XKR7: variants seen among roughly 807,000 people sequenced by gnomAD.
The protein encoded by XKR7 is XK-related protein 7.
XKR7 carries 11 observed loss-of-function variants against 42.2 expected under a neutral mutation model. That is an observed-to-expected ratio of 0.26 (90% CI 0.16 to 0.43). The LOEUF (loss-of-function observed/expected upper bound fraction) is 0.43. Ranked by LOEUF, XKR7 falls within the 20% of genes least tolerant of loss-of-function variation. XKR7 has a pLI of 1.00. For synonymous variants in XKR7, 346 were observed against 366.4 expected (o/e 0.94, Z 0.64); for missense variants, 710 against 802.2 (o/e 0.89, Z 1.39).
chr20:31,996,272 T>G (rs1380144478), intron 2 of XKR7, among the ~76,000 whole-genome samples: 2 of 150,742 alleles, frequency 1.3e-5, no homozygotes, highest in Admixed American at 1.3e-4. Context: ...TCGTCTCCCT[T>G]TATGCTCCCA....
At position 31,997,524 on chromosome 20, in the gene XKR7, C is replaced by T. The variant is rs191137324; in HGVS notation, c.*67C>T. On this transcript the variant is annotated 3_prime_UTR_variant, in exon 3 of 3. Coordinates refer to ENST00000562532, the MANE Select transcript of XKR7 (RefSeq NM_001011718.2). Reference sequence around the variant, plus strand: ...CCACATCCGCCGCAGTGTTGTGCCCCGAATTTCAGGGCCACCAGGCTAAGG... The same window carrying T: ...CCACATCCGCCGCAGTGTTGTGCCCTGAATTTCAGGGCCACCAGGCTAAGG... 863 of 1,422,520 alleles carry T rather than the reference C, an allele frequency of 6.1e-4. 6 individuals carry two copies. In the African/African-American group the frequency reaches 7.3e-3, roughly 12 times the overall value. The allele number at this position is 1,422,520 out of a possible 1,614,324, so 88.1% of individuals were successfully genotyped here. A position where few individuals can be genotyped will look rare whatever the true frequency, so the allele number is the denominator to read the frequency against.
At chr20:31,975,230 C>A (rs2064479956) in intron 1 of XKR7, among the ~76,000 whole-genome samples, 1 of 152,132 alleles carries the variant, frequency 6.6e-6, no homozygotes, top group African/African-American at 2.4e-5. Context: ...TTATCACCCC[C>A]AACCCCCAAT....
chr20:31,989,658 G>A (rs1231434284), intron 1 of XKR7, among the ~76,000 whole-genome samples: 1 of 152,152 alleles, frequency 6.6e-6, no homozygotes, highest in African/African-American at 2.4e-5. Context: ...CTGTCACCCA[G>A]GCTGGAGTGC....
intron 1 of XKR7, among the ~76,000 whole-genome samples, chr20:31,979,911 CAG>C (rs2064503598): frequency 6.6e-6 from 1 of 151,986 alleles, no homozygotes; most frequent in Non-Finnish European, 1.5e-5. Context: ...AACTGAGGTC[CAG>C]AGAGGAGAGG....
chr20:31,998,083 G>C lies in XKR7; in HGVS notation c.*626G>C, dbSNP rs1332820783. ...TGGAGATGGATAGGAGAAAGAACTG[G>C]GGGGGGGGTCTAGGCTGGCAGAAGC... On this transcript the variant is annotated 3_prime_UTR_variant, in exon 3 of 3. Coordinates refer to ENST00000562532, the MANE Select transcript of XKR7 (RefSeq NM_001011718.2). The C allele has an allele frequency of 1.6e-5, 2 of 126,752 alleles. No individual in the cohort carries two copies. The highest frequency in any genetic ancestry group is 7.7e-5 in the Admixed American group (1 of 12,904). 7.9% of individuals were successfully genotyped at this position (126,752 alleles called of 1,614,324 possible). A position where few individuals can be genotyped will look rare whatever the true frequency, so the allele number is the denominator to read the frequency against.
chr20:31,987,143 A>G (rs1480857939), intron 1 of XKR7, among the ~76,000 whole-genome samples: 9 of 140,858 alleles, frequency 6.4e-5, no homozygotes, highest in African/African-American at 5.3e-5. Context: ...AGACCACCAA[A>G]CAGACCCAGC....
chr20:31,985,742 A>G (rs1393346698), intron 1 of XKR7, among the ~76,000 whole-genome samples: 1 of 149,804 alleles, frequency 6.7e-6, no homozygotes, highest in African/African-American at 2.5e-5. Context: ...CAAGACACAG[A>G]CAGACAGGCA....
chr20:31,968,514 C>G lies in XKR7; in HGVS notation c.339C>G (p.Val113=). Residue 113 remains valine (V), a synonymous_variant, in exon 1 of 3, where the codon GTC becomes GTG. Coordinates refer to ENST00000562532, the MANE Select transcript of XKR7 (RefSeq NM_001011718.2). This position sits in a 1 kb window ranked among gnomAD's most constrained non-coding sequence, Gnocchi z 4.5. The part of the protein sequence containing the change: ...VVQLLSFRWF[V]YDYSEPAGSP... ...AGTTACTGAGCTTCCGCTGGTTCGT[C>G]TACGACTACTCGGAGCCCGCAGGGT... The G allele has an allele frequency of 6.2e-7, 1 of 1,612,276 alleles. No homozygotes were observed. The highest frequency in any genetic ancestry group is 1.1e-5 in the South Asian group (1 of 90,952).
intron 1 of XKR7, among the ~76,000 whole-genome samples, chr20:31,977,661 CA>C (rs1390419091): frequency 6.6e-6 from 1 of 152,150 alleles, no homozygotes; most frequent in East Asian, 1.9e-4. Context: ...GGGGTTAGGA[CA>C]GGGGCATAAG....
At chr20:31,975,578 G>A (rs1309942485) in intron 1 of XKR7, among the ~76,000 whole-genome samples, 1 of 152,010 alleles carries the variant, frequency 6.6e-6, no homozygotes, top group Non-Finnish European at 1.5e-5. Context: ...ACTCAACCAG[G>A]CAAAAGTCAT....
intron 2 of XKR7, among the ~76,000 whole-genome samples, chr20:31,996,017 C>G (rs2064589535): frequency 6.6e-6 from 1 of 152,030 alleles, no homozygotes; most frequent in Admixed American, 6.5e-5. Context: ...TTGGGTCTCC[C>G]CATCCCCGCC....
At chr20:31,988,321 T>C (rs2064552476) in intron 1 of XKR7, among the ~76,000 whole-genome samples, 1 of 152,112 alleles carries the variant, frequency 6.6e-6, no homozygotes, top group Non-Finnish European at 1.5e-5. Flanking sequence ...CACTGGAAAT[T>C]TCCCGTGAGG....
At chr20:31,989,754 C>A (rs887849330) in intron 1 of XKR7, among the ~76,000 whole-genome samples, 5 of 152,182 alleles carry the variant, frequency 3.3e-5, no homozygotes, top group Admixed American at 6.5e-5. Flanking sequence ...GCTGGGACTA[C>A]AGGCACACGC....
In XKR7 at chr20:31,998,082, G is replaced by T. The variant is rs1470525820; in HGVS notation, c.*625G>T. ...CTGGAGATGGATAGGAGAAAGAACTGGGGGGGGGGTCTAGGCTGGCAGAAG... is the reference window on the plus strand; with the variant it reads ...CTGGAGATGGATAGGAGAAAGAACTTGGGGGGGGGTCTAGGCTGGCAGAAG... On this transcript the variant is annotated 3_prime_UTR_variant, in exon 3 of 3. Transcript: ENST00000562532. The T allele has an allele frequency of 4.6e-5, 4 of 87,326 alleles. No homozygotes were observed. Among genetic ancestry groups the T allele is most frequent in the Admixed American group, 3.6e-4 (3 of 8,264 alleles). The allele number at this position is 87,326 out of a possible 1,614,324, so 5.4% of individuals were successfully genotyped here. A position where few individuals can be genotyped will look rare whatever the true frequency, so the allele number is the denominator to read the frequency against.
intron 1 of XKR7, among the ~76,000 whole-genome samples, chr20:31,986,559 G>A (rs2122268449): frequency 9.8e-6 from 1 of 102,462 alleles, no homozygotes. Context: ...GACACAGACA[G>A]ACAGACCACC....
intron 1 of XKR7, among the ~76,000 whole-genome samples, chr20:31,985,637 A>G (rs1227434465): frequency 6.6e-6 from 1 of 150,994 alleles, no homozygotes; most frequent in Admixed American, 6.6e-5. Flanking sequence ...CAGACAGACC[A>G]CCAAGCAGAC....
In XKR7 at chr20:31,968,523, C is replaced by T. The variant is rs2064446926; in HGVS notation, c.348C>T (p.Tyr116=). 1 of 1,610,180 alleles carries T rather than the reference C, an allele frequency of 6.2e-7. No individual in the cohort carries two copies. Among genetic ancestry groups the T allele is most frequent in the Non-Finnish European group, 8.5e-7 (1 of 1,178,442 alleles). ...GCTTCCGCTGGTTCGTCTACGACTA[C>T]TCGGAGCCCGCAGGGTCCCCGGGAC... ...LLSFRWFVYD[Y]SEPAGSPGPA... Residue 116 remains tyrosine (Y), a synonymous_variant, in exon 1 of 3, where the codon TAC becomes TAT. Coordinates refer to ENST00000562532, the MANE Select transcript of XKR7 (RefSeq NM_001011718.2). The surrounding 1 kb of genome is among the most constrained non-coding windows in gnomAD (Gnocchi z 4.5).
chr20:31,989,281 C>CG (rs902806023), intron 1 of XKR7, among the ~76,000 whole-genome samples: 6 of 119,578 alleles, frequency 5.0e-5, no homozygotes, highest in South Asian at 2.6e-4. Context: ...GGACACCCCC[C>CG]CCCCAGCGCA....
chr20:31,986,117 CA>C (rs542096737), intron 1 of XKR7, among the ~76,000 whole-genome samples: 1 of 150,424 alleles, frequency 6.6e-6, no homozygotes, highest in South Asian at 2.1e-4. Flanking sequence ...GACCACCAAA[CA>C]GATCCAGCAT....
Sources: gnomAD v4.1 joint callset for allele counts (sites outside exome capture counted in the v4.1 genomes callset) on GRCh38, gnomAD v4.1.1 for gene constraint, Gnocchi (gnomAD v3.1) non-coding constraint, MANE v1.5 for transcripts, NCBI Gene and HGNC (gene_info 2026-07-23, HGNC 2026-07-21) for gene names.